Variants in MSRA observed in about 807,000 individuals in gnomAD.
MSRA encodes the protein mitochondrial peptide methionine sulfoxide reductase.
Under a neutral mutation model 31.3 loss-of-function variants are expected in MSRA, and 54 were observed. The observed-to-expected ratio is 1.73, with a 90% CI of 1.39 to 2.17. The LOEUF is 2.17. Among genes scored for constraint, MSRA ranks in the 30% most tolerant of loss-of-function variants. The pLI, the probability that MSRA is intolerant of heterozygous loss-of-function variation, is 0.00. For synonymous variants in MSRA, 169 were observed against 116.5 expected, an observed-to-expected ratio of 1.45 and a Z score of -2.90; for missense variants, 507 against 300.9, an observed-to-expected ratio of 1.69 and a Z score of -5.07.
chr8:10,303,551 G>C (rs928484969), intron 4 of MSRA, among the ~76,000 whole-genome samples: 3 of 152,212 alleles, frequency 2.0e-5, no homozygotes, highest in African/African-American at 7.2e-5. Flanking sequence ...GCATGGCTAA[G>C]GTTGTAGCGT....
intron 3 of MSRA, among the ~76,000 whole-genome samples, chr8:10,294,822 C>T (rs1800443048): frequency 1.3e-5 from 2 of 152,006 alleles, no homozygotes; most frequent in Admixed American, 1.3e-4. Flanking sequence ...CCCACAGCAG[C>T]ACAGAGTCCA....
chr8:10,074,670 C>CT (rs1268945614), intron 1 of MSRA, among the ~76,000 whole-genome samples: 5 of 151,500 alleles, frequency 3.3e-5, no homozygotes, highest in African/African-American at 4.9e-5. Flanking sequence ...CTTTTCTTTT[C>CT]TTTTTTTTGA....
Position 10,306,897 on chromosome 8 carries a change from A to G in MSRA, c.436+5259A>G, listed in dbSNP as rs547664374. Among the ~76,000 whole-genome samples, 26 of 152,258 alleles carry G rather than the reference A, an allele frequency of 1.7e-4. No homozygotes were observed. In the East Asian group the frequency reaches 2.1e-3, roughly 12 times the overall value. ...CTCAGTCCTGGAGCAAGGGAGAGCA[A>G]TATTTACTAAGCACCTCTTAGGGGC... On this transcript the variant is annotated intron_variant, in intron 4 of 5. Transcript: ENST00000317173.
At chr8:10,145,190 G>A (rs73191538) in intron 1 of MSRA, among the ~76,000 whole-genome samples, 4,760 of 152,290 alleles carry the variant, frequency 0.031, 106 homozygotes, top group Middle Eastern at 0.068. Flanking sequence ...CCTATGCAGT[G>A]CGAGGCGAGA....
intron 5 of MSRA, among the ~76,000 whole-genome samples, chr8:10,391,099 C>T (rs1806716336): frequency 6.6e-6 from 1 of 152,162 alleles, no homozygotes; most frequent in Non-Finnish European, 1.5e-5. Flanking sequence ...AGAAATATTT[C>T]CCAGACTTAC....
intron 5 of MSRA, among the ~76,000 whole-genome samples, chr8:10,412,563 C>T (rs1347312401): frequency 6.6e-6 from 1 of 152,172 alleles, no homozygotes; most frequent in East Asian, 1.9e-4. Context: ...CAAAGCATAA[C>T]TTTGGAATAT....
intron 5 of MSRA, among the ~76,000 whole-genome samples, chr8:10,335,250 G>GTTTTTTTTTTTTTTT (rs1170264568): frequency 1.3e-4 from 10 of 79,876 alleles, no homozygotes; most frequent in African/African-American, 1.6e-4. Context: ...TCCCAGCTCT[G>GTTTTTTTTTTTTTTT]TTTTTTTTTT....
chr8:10,104,328 G>C (rs1563099391), intron 1 of MSRA, among the ~76,000 whole-genome samples: 1 of 152,184 alleles, frequency 6.6e-6, no homozygotes, highest in Non-Finnish European at 1.5e-5. Context: ...AGTTTATTTT[G>C]CCAAGGTTAA....
intron 3 of MSRA, among the ~76,000 whole-genome samples, chr8:10,276,058 C>T (rs1224192040): frequency 2.6e-5 from 4 of 152,218 alleles, no homozygotes; most frequent in Non-Finnish European, 5.9e-5. Flanking sequence ...GCAGGCCTCT[C>T]GCTCCGTGTC....
At chr8:10,212,784 A>C (rs960086396) in intron 2 of MSRA, among the ~76,000 whole-genome samples, 1 of 152,152 alleles carries the variant, frequency 6.6e-6, no homozygotes, top group African/African-American at 2.4e-5. Flanking sequence ...TAGCCTTTAA[A>C]ACCCTTTGTT....
At chr8:10,270,346 G>C (rs1798963775) in intron 3 of MSRA, among the ~76,000 whole-genome samples, 2 of 151,628 alleles carry the variant, frequency 1.3e-5, no homozygotes, top group South Asian at 4.2e-4. Context: ...TTTGGCTGAA[G>C]GCTTCATTTC....
At chr8:10,170,101 G>C (rs1805471591) in intron 1 of MSRA, among the ~76,000 whole-genome samples, 1 of 140,216 alleles carries the variant, frequency 7.1e-6, no homozygotes, top group Non-Finnish European at 1.5e-5. Context: ...TAGTCAGGTA[G>C]TCTTGAACTC....
At chr8:10,080,052 C>A (rs765612162) in intron 1 of MSRA, among the ~76,000 whole-genome samples, 1 of 152,216 alleles carries the variant, frequency 6.6e-6, no homozygotes, top group East Asian at 1.9e-4. Flanking sequence ...AATTAGAACT[C>A]TAAGCCACGC....
chr8:10,154,410 C>G (rs1221256994), intron 1 of MSRA, among the ~76,000 whole-genome samples: 2 of 151,748 alleles, frequency 1.3e-5, no homozygotes, highest in Non-Finnish European at 2.9e-5. Flanking sequence ...CTGAGTCTTG[C>G]TCTGTCGCCC....
At chr8:10,303,405 G>A (rs1033131333) in intron 4 of MSRA, among the ~76,000 whole-genome samples, 2 of 152,132 alleles carry the variant, frequency 1.3e-5, no homozygotes, top group African/African-American at 4.8e-5. Flanking sequence ...GTTTGGGCTG[G>A]GAGAACTCAC....
chr8:10,229,979 T>C (rs1443046764), intron 2 of MSRA, among the ~76,000 whole-genome samples: 2 of 152,220 alleles, frequency 1.3e-5, no homozygotes, highest in Non-Finnish European at 2.9e-5. Context: ...GCATTCTTCT[T>C]TTTAGGAATC....
intron 5 of MSRA, among the ~76,000 whole-genome samples, chr8:10,352,275 G>A (rs182055268): frequency 6.6e-6 from 1 of 152,322 alleles, no homozygotes; most frequent in African/African-American, 2.4e-5. Flanking sequence ...ATATAGATAT[G>A]AAGACATTAC....
At chr8:10,245,326 A>T in intron 3 of MSRA, 103 bp downstream of exon 3, 1 of 1,114,400 alleles carries the variant, frequency 9.0e-7, no homozygotes, top group Non-Finnish European at 1.3e-6. Flanking sequence ...TTTTTTTAAA[A>T]ATGTTTCTTC....
At position 10,426,412 on chromosome 8, in the gene MSRA, A is replaced by G. The variant is rs140072669; in HGVS notation, c.544-1736A>G. 1.6e-3 allele frequency among the ~76,000 whole-genome samples: 248 copies of G among 152,352 alleles called. 1 individual carries two copies. Among genetic ancestry groups the G allele is most frequent in the African/African-American group, 5.7e-3 (235 of 41,588 alleles). On this transcript the variant is annotated intron_variant, in intron 5 of 5. Transcript: ENST00000317173. The stretch of plus-strand genomic sequence containing the variant: ...TACCAAGAAGTTACTGAAATTGCCA[A>G]AAGTCATTGCTGATGGCATTCCACG...
Sources: allele counts gnomAD v4.1 joint callset (sites outside exome capture counted in the v4.1 genomes callset), GRCh38; gene constraint gnomAD v4.1.1; transcripts MANE v1.5; gene names NCBI Gene and HGNC (gene_info 2026-07-23, HGNC 2026-07-21).